Variants in CLDN16 observed in about 807,000 individuals in gnomAD.
CLDN16 encodes claudin 16.
CLDN16 carries 13 observed loss-of-function variants against 24.6 expected under a neutral mutation model. The observed-to-expected ratio is 0.53, with a 90% confidence interval of 0.34 to 0.84. CLDN16 has a LOEUF of 0.84. Ranked by LOEUF, CLDN16 falls within the 40% of genes least tolerant of loss-of-function variation. CLDN16 has a pLI of 0.01. For synonymous variants in CLDN16, 116 were observed against 106.7 expected, an observed-to-expected ratio of 1.09 and a Z score of -0.54; for missense variants, 298 against 292.7, an observed-to-expected ratio of 1.02 and a Z score of -0.13.
chr3:190,377,656 T>C (rs902750033), intron 3 of CLDN16, among the ~76,000 whole-genome samples: 4 of 152,076 alleles, frequency 2.6e-5, no homozygotes, highest in Non-Finnish European at 4.4e-5. Context: ...TGATTAGTGA[T>C]CTTTGGTTGC....
upstream of CLDN16, among the ~76,000 whole-genome samples, chr3:190,387,063 C>T (rs1031169093): frequency 2.0e-5 from 3 of 151,986 alleles, no homozygotes; most frequent in Non-Finnish European, 4.4e-5. Flanking sequence ...TCTTTCTCTC[C>T]CTCCCAATTT....
chr3:190,330,277 A>C (rs1010333886), intron 1 of CLDN16, among the ~76,000 whole-genome samples: 2 of 152,214 alleles, frequency 1.3e-5, no homozygotes, highest in Non-Finnish European at 2.9e-5. Context: ...TCTAAGGAAT[A>C]AACTATTAAA....
intron 1 of CLDN16, among the ~76,000 whole-genome samples, chr3:190,346,556 A>G (rs1396601903): frequency 6.6e-6 from 1 of 152,232 alleles, no homozygotes; most frequent in Admixed American, 6.5e-5. Flanking sequence ...ATTCTTTACA[A>G]CAACTATACT....
the CLDN16 span, among the ~76,000 whole-genome samples, chr3:190,310,944 A>G: frequency 2.6e-5 from 4 of 152,188 alleles, no homozygotes; most frequent in Non-Finnish European, 5.9e-5. Context: ...CATTTATAAG[A>G]TGTATAAAAT....
chr3:190,394,023 G>T (rs755388104), intron 1 of CLDN16, among the ~76,000 whole-genome samples: 4 of 152,028 alleles, frequency 2.6e-5, no homozygotes, highest in Non-Finnish European at 4.4e-5. Context: ...AAAGTGCTGG[G>T]ATTACAGGTG....
intron 1 of CLDN16, among the ~76,000 whole-genome samples, chr3:190,336,677 G>A (rs78414637): frequency 0.024 from 3,724 of 152,276 alleles, 151 homozygotes; most frequent in African/African-American, 0.085. Context: ...AAGGTTTTGT[G>A]TGGAGTCTCT....
chr3:190,337,856 G>A lies in CLDN16; in HGVS notation n.121+15195G>A, dbSNP rs140858678. On this transcript the variant is annotated intron_variant and non_coding_transcript_variant, in intron 1 of 4. Transcript: ENST00000468220. ...TCAAGAGAACCCCTTTATGGCAAAGGAAGCCTGGTAGTGGGAACATGGCAA... is the reference window on the plus strand; with the variant it reads ...TCAAGAGAACCCCTTTATGGCAAAGAAAGCCTGGTAGTGGGAACATGGCAA... 3.0e-3 allele frequency among the ~76,000 whole-genome samples: 464 copies of A among 152,254 alleles called. 4 individuals carry two copies. The highest frequency in any genetic ancestry group is 0.011 in the African/African-American group (446 of 41,540).
At chr3:190,393,682 A>G (rs537227313) in intron 1 of CLDN16, among the ~76,000 whole-genome samples, 3 of 148,890 alleles carry the variant, frequency 2.0e-5, no homozygotes, top group Non-Finnish European at 4.5e-5. Context: ...TTTAAATTCT[A>G]TTCCTATTTT....
intron 1 of CLDN16, among the ~76,000 whole-genome samples, chr3:190,347,410 A>T (rs1016003939): frequency 4.6e-5 from 7 of 152,192 alleles, no homozygotes; most frequent in African/African-American, 1.7e-4. Flanking sequence ...GCCAGTGCTG[A>T]GTTTGAAGTG....
chr3:190,391,989 A>G (rs1414989264), intron 1 of CLDN16, among the ~76,000 whole-genome samples: 1 of 149,256 alleles, frequency 6.7e-6, no homozygotes, highest in East Asian at 2.0e-4. Context: ...AGCAAGTCAC[A>G]TTTCTTGTCT....
chr3:190,385,570 AT>A (rs11398966), upstream of CLDN16, among the ~76,000 whole-genome samples: 28,246 of 150,672 alleles, frequency 0.19, 3,063 homozygotes, highest in Middle Eastern at 0.29. Flanking sequence ...TATAGTCTAG[AT>A]TTTTTTTTTT....
rs1718130760 is a variant in CLDN16, at chr3:190,371,038, A to ATATATATATATATATATATATATG, written n.230+39_230+40insTATATATATATATATATATATGTA. The stretch of plus-strand genomic sequence containing the variant: ...CCTTTATATATATATATATATATAT[A>ATATATATATATATATATATATATG]TAAAATATATATGCATATATAAATT... On this transcript the variant is annotated intron_variant and non_coding_transcript_variant, in intron 2 of 4. Coordinates refer to the CLDN16 transcript ENST00000468220. 4 of 2,448 alleles carry ATATATATATATATATATATATATG rather than the reference A, an allele frequency of 1.6e-3. 1 individual carries two copies. The highest frequency in any genetic ancestry group is 0.016 in the Admixed American group (4 of 258). 0.2% of individuals were successfully genotyped at this position (2,448 alleles called of 1,614,324 possible).
chr3:190,356,097 G>T (rs1474129629), intron 1 of CLDN16, among the ~76,000 whole-genome samples: 1 of 151,568 alleles, frequency 6.6e-6, no homozygotes, highest in East Asian at 1.9e-4. Context: ...AAATCAATAT[G>T]ATTTTTGCTG....
chr3:190,291,409 C>T, the CLDN16 span, among the ~76,000 whole-genome samples: 1 of 152,054 alleles, frequency 6.6e-6, no homozygotes. Context: ...TATATGGCCA[C>T]AGGCAAGAGA....
the CLDN16 span, among the ~76,000 whole-genome samples, chr3:190,298,112 A>C: frequency 6.6e-6 from 1 of 152,166 alleles, no homozygotes; most frequent in Non-Finnish European, 1.5e-5. Flanking sequence ...ATACTATCTG[A>C]TATAAACAAA....
chr3:190,343,077 A>G (rs937269206), intron 1 of CLDN16, among the ~76,000 whole-genome samples: 1 of 152,202 alleles, frequency 6.6e-6, no homozygotes, highest in African/African-American at 2.4e-5. Context: ...AAGGGTTAAT[A>G]TAAAAGATTT....
intron 1 of CLDN16, among the ~76,000 whole-genome samples, chr3:190,336,586 A>G (rs1204199858): frequency 6.6e-6 from 1 of 152,258 alleles, no homozygotes; most frequent in Non-Finnish European, 1.5e-5. Flanking sequence ...TGTTCAGGCC[A>G]TATAGCACAA....
At chr3:190,380,352 A>G (rs1718344942) in intron 3 of CLDN16, among the ~76,000 whole-genome samples, 1 of 151,962 alleles carries the variant, frequency 6.6e-6, no homozygotes, top group Non-Finnish European at 1.5e-5. Context: ...ATACTAAACT[A>G]TCCAGTTACT....
At chr3:190,405,735 G>A (rs1719081599) in intron 3 of CLDN16, among the ~76,000 whole-genome samples, 1 of 152,080 alleles carries the variant, frequency 6.6e-6, no homozygotes, top group Non-Finnish European at 1.5e-5. Flanking sequence ...CCTCACTTAA[G>A]ATGCAGATAA....
Sources: gnomAD v4.1 joint callset for allele counts (sites outside exome capture counted in the v4.1 genomes callset) on GRCh38, gnomAD v4.1.1 for gene constraint, MANE v1.5 for transcripts, NCBI Gene and HGNC (gene_info 2026-07-23, HGNC 2026-07-21) for gene names.